Variants in IL1RAPL1 observed in about 807,000 individuals in gnomAD.
IL1RAPL1 encodes interleukin-1 receptor accessory protein-like 1.
In IL1RAPL1, 3 loss-of-function variants were observed where a neutral mutation model predicts 48.4. The observed-to-expected ratio is 0.06, with a 90% CI of 0.03 to 0.16. The LOEUF (loss-of-function observed/expected upper bound fraction) is 0.16, where lower values mean the gene tolerates loss of function less well. Among genes scored for constraint, IL1RAPL1 ranks in the 10% least tolerant of loss-of-function variants. The probability of loss-of-function intolerance (pLI) is 1.00; values close to 1 mark genes in which losing one functional copy is unlikely to be tolerated. For synonymous variants in IL1RAPL1, 185 were observed against 187.7 expected (o/e 0.99, Z 0.12); for missense variants, 349 against 530.6 (o/e 0.66, Z 3.36).
chrX:29,751,020 A>T (rs966481163), intron 6 of IL1RAPL1, among the ~76,000 whole-genome samples: 25 of 111,824 alleles, frequency 2.2e-4, no homozygotes, highest in Non-Finnish European at 4.0e-4. Context: ...AAAGTAGTTG[A>T]TCCCCTCAAC....
At chrX:29,615,461 A>G (rs1431032529) in intron 5 of IL1RAPL1, among the ~76,000 whole-genome samples, 2 of 111,014 alleles carry the variant, frequency 1.8e-5, no homozygotes, top group African/African-American at 6.6e-5. Flanking sequence ...GTTCTCTGCT[A>G]GCTTCCTAAG....
intron 2 of IL1RAPL1, among the ~76,000 whole-genome samples, chrX:28,863,416 G>A (rs1160174876): frequency 2.2e-4 from 15 of 66,996 alleles, no homozygotes; most frequent in African/African-American, 1.3e-3. Context: ...TGGCCTACGG[G>A]CCTTTTTTTT....
chrX:29,827,009 G>A (rs1930752495), intron 6 of IL1RAPL1, among the ~76,000 whole-genome samples: 1 of 111,719 alleles, frequency 9.0e-6, no homozygotes. Flanking sequence ...CCACATTCTC[G>A]TCAACACTTG....
chrX:29,684,003 A>G (rs1042819740), intron 6 of IL1RAPL1, among the ~76,000 whole-genome samples: 16 of 111,939 alleles, frequency 1.4e-4, no homozygotes, highest in Non-Finnish European at 3.8e-5. Context: ...TAAAGAGTGT[A>G]ATTGGATTGT....
chrX:28,813,162 T>G (rs745310409), intron 2 of IL1RAPL1, among the ~76,000 whole-genome samples: 14 of 111,694 alleles, frequency 1.3e-4, no homozygotes, highest in Non-Finnish European at 2.1e-4. Flanking sequence ...CAGATATTCC[T>G]TCTTTTCTAA....
chrX:29,739,744 A>G (rs1928147972), intron 6 of IL1RAPL1, among the ~76,000 whole-genome samples: 3 of 111,046 alleles, frequency 2.7e-5, no homozygotes, highest in South Asian at 3.8e-4. Context: ...TTGTATAGCA[A>G]AAGAGTTTTA....
At chrX:29,152,200 C>A (rs952174421) in intron 2 of IL1RAPL1, among the ~76,000 whole-genome samples, 2 of 110,924 alleles carry the variant, frequency 1.8e-5, no homozygotes, top group South Asian at 3.9e-4. Flanking sequence ...TATCATGAGA[C>A]CAACATGGGA....
intron 6 of IL1RAPL1, among the ~76,000 whole-genome samples, chrX:29,878,662 CAA>C (rs1306143956): frequency 9.0e-6 from 1 of 111,655 alleles, no homozygotes; most frequent in Non-Finnish European, 1.9e-5. Flanking sequence ...TGCTAAATAA[CAA>C]AAGGAAATAT....
chrX:28,771,227 C>T (rs919323663), intron 1 of IL1RAPL1, among the ~76,000 whole-genome samples: 3 of 111,707 alleles, frequency 2.7e-5, no homozygotes, highest in Admixed American at 9.5e-5. Flanking sequence ...CACCTGGAAA[C>T]GATTGCATTC....
chrX:29,955,423 A>C lies in IL1RAPL1; in HGVS notation c.1694A>C (p.Glu565Ala), dbSNP rs764330984. Reference protein sequence around the residue: ...LQYEMPFKRIEPITHEQALDV... With the variant: ...LQYEMPFKRIAPITHEQALDV... ...TATGAAATGCCTTTTAAGAGGATAGAACCCATTACACATGAGCAGGCTTTA... is the reference window on the plus strand; with the variant it reads ...TATGAAATGCCTTTTAAGAGGATAGCACCCATTACACATGAGCAGGCTTTA... The change falls in exon 11 of 11, where the codon GAA (glutamate) becomes GCA (alanine). Residue 565 changes from glutamate (E) to alanine (A), a missense_variant. Around this residue, in one of 3 missense-constraint regions of IL1RAPL1, gnomAD observed 46 missense variants for 113.3 expected, o/e 0.41. Coordinates refer to ENST00000378993, the MANE Select transcript of IL1RAPL1 (RefSeq NM_014271.4). 8.1e-5 allele frequency: 98 copies of C among 1,209,158 alleles called. No individual in the cohort carries two copies. The highest frequency in any genetic ancestry group is 1.1e-4 in the Non-Finnish European group (97 of 895,072).
intron 1 of IL1RAPL1, among the ~76,000 whole-genome samples, chrX:28,680,195 C>T (rs1935043633): frequency 9.1e-6 from 1 of 110,076 alleles, no homozygotes; most frequent in Non-Finnish European, 1.9e-5. Context: ...AAATTTATTC[C>T]CTAGTATTTT....
chrX:29,803,429 A>G (rs148974756), intron 6 of IL1RAPL1, among the ~76,000 whole-genome samples: 22 of 96,493 alleles, frequency 2.3e-4, no homozygotes, highest in African/African-American at 3.0e-4. Context: ...ATGTGTATAT[A>G]TGTATACATC....
At position 28,754,113 on chromosome X, in the gene IL1RAPL1, G is replaced by A. The variant is rs1014409741; in HGVS notation, c.-24-35207G>A. On this transcript the variant is annotated intron_variant, in intron 1 of 10. Coordinates refer to ENST00000378993, the MANE Select transcript of IL1RAPL1 (RefSeq NM_014271.4). ...TTTCTCACACATTGTAACTTCTCCC[G>A]AGGTAGTCCTTTATTCTTGTATGAC... 1.5e-4 allele frequency among the ~76,000 whole-genome samples: 17 copies of A among 110,746 alleles called. No individual in the cohort carries two copies. In the Admixed American group the frequency reaches 1.5e-3, roughly 10 times the overall value.
chrX:29,884,744 C>T (rs905122421), intron 6 of IL1RAPL1, among the ~76,000 whole-genome samples: 4 of 111,813 alleles, frequency 3.6e-5, no homozygotes, highest in African/African-American at 1.3e-4. Flanking sequence ...ACCTGCACCA[C>T]CCACAGCCTT....
chrX:28,666,783 T>C (rs990225550), intron 1 of IL1RAPL1, among the ~76,000 whole-genome samples: 1 of 112,126 alleles, frequency 8.9e-6, no homozygotes. Context: ...CCTGGCTTAG[T>C]TGGCTATATA....
At chrX:28,610,022 G>A (rs1256866118) in intron 1 of IL1RAPL1, among the ~76,000 whole-genome samples, 1 of 111,471 alleles carries the variant, frequency 9.0e-6, no homozygotes, top group Non-Finnish European at 1.9e-5. Flanking sequence ...TGAATGAACG[G>A]ATCTTCACTT....
chrX:29,338,656 T>C (rs970161687), intron 3 of IL1RAPL1, among the ~76,000 whole-genome samples: 2 of 111,256 alleles, frequency 1.8e-5, no homozygotes, highest in African/African-American at 6.5e-5. Flanking sequence ...TCAGTTGATA[T>C]TATTAGTACT....
At chrX:29,178,166 C>T (rs1335570298) in intron 2 of IL1RAPL1, among the ~76,000 whole-genome samples, 1 of 111,614 alleles carries the variant, frequency 9.0e-6, no homozygotes, top group African/African-American at 3.3e-5. Flanking sequence ...GAGGAATCGC[C>T]ACACTGTCTT....
chrX:29,087,996 T>C (rs1390946278), intron 2 of IL1RAPL1, among the ~76,000 whole-genome samples: 1 of 112,415 alleles, frequency 8.9e-6, no homozygotes, highest in Non-Finnish European at 1.9e-5. Flanking sequence ...ATTGTGCCAC[T>C]TCACACTAAC....
Sources: allele counts gnomAD v4.1 joint callset (sites outside exome capture counted in the v4.1 genomes callset), GRCh38; gene constraint gnomAD v4.1.1; regional missense constraint gnomAD v4.1.1; transcripts MANE v1.5; gene names NCBI Gene and HGNC (gene_info 2026-07-23, HGNC 2026-07-21).